SIGLEC15: variants seen among roughly 807,000 people sequenced by gnomAD.
SIGLEC15 encodes the protein sialic acid binding Ig like lectin 15, also known as sialic acid-binding Ig-like lectin 15.
In SIGLEC15, 31 loss-of-function variants were observed where a neutral mutation model predicts 26.2. The observed-to-expected ratio is 1.18, with a 90% CI of 0.89 to 1.60. SIGLEC15 has a LOEUF of 1.60. SIGLEC15 is among the 40% of genes most tolerant of loss of function. The pLI, the probability that SIGLEC15 is intolerant of heterozygous loss-of-function variation, is 0.00. For missense variants in SIGLEC15, 501 were observed against 488.4 expected, an observed-to-expected ratio of 1.03 and a Z score of -0.24; for synonymous variants, 207 against 221.9, an observed-to-expected ratio of 0.93 and a Z score of 0.60.
chr18:45,837,014 T>A lies in SIGLEC15; in HGVS notation c.53-15T>A. ...TATTCACGTGTAACCCGGGGTTAAC[T>A]GTGTTTATCTGTAGGCTCATTTGTG... On this transcript the variant is annotated splice_polypyrimidine_tract_variant and intron_variant, in intron 1 of 5. Coordinates refer to ENST00000389474, the MANE Select transcript of SIGLEC15 (RefSeq NM_213602.3). The A allele has an allele frequency of 7.8e-7, 1 of 1,274,076 alleles. No individual in the cohort carries two copies. The highest frequency in any genetic ancestry group is 1.1e-6 in the Non-Finnish European group (1 of 870,242). The allele number at this position is 1,274,076 out of a possible 1,614,324, so 78.9% of individuals were successfully genotyped here.
At chr18:45,832,737 C>G (rs1329069869) in intron 1 of SIGLEC15, among the ~76,000 whole-genome samples, 2 of 152,172 alleles carry the variant, frequency 1.3e-5, no homozygotes, top group Non-Finnish European at 2.9e-5. Flanking sequence ...ATCCTCCCTC[C>G]CCTGTCTTAG....
In SIGLEC15 at chr18:45,825,677, TGG is replaced by T; in HGVS notation, c.-49_-48del. The T allele has an allele frequency of 6.3e-7, 1 of 1,596,426 alleles. No individual in the cohort carries two copies. The highest frequency in any genetic ancestry group is 1.7e-5 in the Admixed American group (1 of 59,836). ...CCACCACGCCTGGGAGGGCCCTCAC[TGG>T]GGAGGTGGCCGAGAGCGGGTCTGGC... On this transcript the variant is annotated 5_prime_UTR_variant, in exon 1 of 6. Coordinates refer to ENST00000389474, the MANE Select transcript of SIGLEC15 (RefSeq NM_213602.3).
chr18:45,838,668 G>C (rs934987955), intron 3 of SIGLEC15, 50 bp from the exon 4 acceptor site: 1 of 1,493,716 alleles, frequency 6.7e-7, no homozygotes, highest in African/African-American at 1.4e-5. Flanking sequence ...CGTCCAAAGG[G>C]CTAAGGGGAG....
chr18:45,825,853 C>T (rs2048180960), intron 1 of SIGLEC15, 73 bp downstream of exon 1: 2 of 1,572,318 alleles, frequency 1.3e-6, no homozygotes, highest in African/African-American at 1.3e-5. Flanking sequence ...GGTACAGTCT[C>T]CCCTGGAAGG....
Position 45,837,636 on chromosome 18 carries a change from C to A in SIGLEC15, c.236C>A (p.Ala79Asp). 1 of 1,507,288 alleles carries A rather than the reference C, an allele frequency of 6.6e-7. No homozygotes were observed. The highest frequency in any genetic ancestry group is 1.2e-5 in the South Asian group (1 of 81,094). The allele number at this position is 1,507,288 out of a possible 1,614,324, so 93.4% of individuals were successfully genotyped here. The change falls in exon 3 of 6, where the codon GCC (alanine) becomes GAC (aspartate). Residue 79 changes from alanine (A) to aspartate (D), a missense_variant. Ala to Asp is a moderately radical substitution (Grantham distance 126). Transcript: ENST00000389474. ...CGCCACTACGACGGGCCGCTGACGGCCATCTGGCGCGCGGGCGAGCCCTAT... is the reference window on the plus strand; with the variant it reads ...CGCCACTACGACGGGCCGCTGACGGACATCTGGCGCGCGGGCGAGCCCTAT... ...PHRHYDGPLT[A>D]IWRAGEPYAG...
chr18:45,840,803 C>G (rs1425895468), intron 5 of SIGLEC15: 1 of 152,588 alleles, frequency 6.6e-6, no homozygotes, highest in African/African-American at 2.4e-5. Flanking sequence ...ACTCCCATAA[C>G]TCCACCCACC....
chr18:45,833,836 G>C (rs2145049186), intron 1 of SIGLEC15, among the ~76,000 whole-genome samples: 1 of 152,274 alleles, frequency 6.6e-6, no homozygotes, highest in Non-Finnish European at 1.5e-5. Context: ...AGATTCATTA[G>C]AGTGCTGTAG....
At chr18:45,837,195 G>C in intron 2 of SIGLEC15, 107 bp downstream of exon 2, 1 of 1,521,342 alleles carries the variant, frequency 6.6e-7, no homozygotes, top group Non-Finnish European at 8.8e-7. Flanking sequence ...GAAAAACTAA[G>C]GGTAAGAATA....
Position 45,837,736 on chromosome 18 carries a change from C to T in SIGLEC15, c.336C>T (p.Gly112=), listed in dbSNP as rs2145065938. The T allele has an allele frequency of 1.1e-5, 16 of 1,507,954 alleles. No homozygotes were observed. Among genetic ancestry groups the T allele is most frequent in the African/African-American group, 1.4e-5 (1 of 69,196 alleles). 93.4% of individuals were successfully genotyped at this position (1,507,954 alleles called of 1,614,324 possible). The part of the protein sequence containing the change: ...ELCQTALSLH[G]RFRLLGNPRR... ...GCCAGACGGCGCTGAGCCTGCACGGCCGCTTCCGGCTGCTGGGCAACCCGC... is the reference window on the plus strand; with the variant it reads ...GCCAGACGGCGCTGAGCCTGCACGGTCGCTTCCGGCTGCTGGGCAACCCGC... Residue 112 remains glycine, a synonymous_variant, in exon 3 of 6, where the codon GGC becomes GGT. Coordinates refer to ENST00000389474, the MANE Select transcript of SIGLEC15 (RefSeq NM_213602.3).
intron 1 of SIGLEC15, among the ~76,000 whole-genome samples, chr18:45,830,618 C>T (rs1440118556): frequency 8.5e-6 from 1 of 118,202 alleles, no homozygotes; most frequent in East Asian, 3.0e-4. Flanking sequence ...CGGAGTCTCG[C>T]TCTGTCACCC....
rs541938890 is a variant in SIGLEC15, at chr18:45,843,369, T to C, written c.*1182T>C. On this transcript the variant is annotated 3_prime_UTR_variant, in exon 6 of 6. Transcript: ENST00000389474. ...CTTAGGGAGAGGAGGGAGGCATGCC[T>C]GGGTCCCAGGTAAGCTGGCAAGAGG... The C allele has an allele frequency of 2.0e-3, 308 of 152,338 alleles. No individual in the cohort carries two copies. The highest frequency in any genetic ancestry group is 6.8e-3 in the Middle Eastern group (2 of 292). 9.4% of individuals were successfully genotyped at this position (152,338 alleles called of 1,614,324 possible). A position where few individuals can be genotyped will look rare whatever the true frequency, so the allele number is the denominator to read the frequency against.
intron 1 of SIGLEC15, among the ~76,000 whole-genome samples, chr18:45,836,528 C>T (rs917085069): frequency 3.9e-5 from 6 of 152,200 alleles, no homozygotes; most frequent in African/African-American, 1.4e-4. Context: ...ACCACACACA[C>T]CCTGCAGTTC....
At chr18:45,836,886 A>G in intron 1 of SIGLEC15, 143 bp from the exon 2 acceptor site, 1 of 582,156 alleles carries the variant, frequency 1.7e-6, no homozygotes, top group Non-Finnish European at 3.1e-6. Context: ...CCCAGCCTCT[A>G]GTGCACTAGA....
intron 1 of SIGLEC15, among the ~76,000 whole-genome samples, chr18:45,835,567 GGTCA>G (rs1467534834): frequency 6.6e-6 from 1 of 152,154 alleles, no homozygotes; most frequent in Non-Finnish European, 1.5e-5. Flanking sequence ...ATTTCGTAGA[GGTCA>G]GTCACTCTCC....
At chr18:45,826,605 C>A (rs954869066) in intron 1 of SIGLEC15, among the ~76,000 whole-genome samples, 1 of 152,170 alleles carries the variant, frequency 6.6e-6, no homozygotes, top group Non-Finnish European at 1.5e-5. Flanking sequence ...CCAGTCCTTA[C>A]CCCATCCCCA....
Position 45,835,078 on chromosome 18 carries a change from GA to G in SIGLEC15, c.53-1941del, listed in dbSNP as rs952062484. Among the ~76,000 whole-genome samples, 31 of 145,274 alleles carry G rather than the reference GA, an allele frequency of 2.1e-4. No homozygotes were observed. In the East Asian group the frequency reaches 3.4e-3, roughly 16 times the overall value. On this transcript the variant is annotated intron_variant, in intron 1 of 5. Coordinates refer to ENST00000389474, the MANE Select transcript of SIGLEC15 (RefSeq NM_213602.3). ...TCAAAAATGTAATTACATTTGTCCA[GA>G]AAAAAAAAAGGAGATTAGGCTTAAA...
At chr18:45,836,961 A>G (rs1257688640) in intron 1 of SIGLEC15, 68 bp from the exon 2 acceptor site, 5 of 849,712 alleles carry the variant, frequency 5.9e-6, no homozygotes, top group Non-Finnish European at 1.0e-5. Flanking sequence ...GTGTGACTTC[A>G]GTTACTCAAC....
chr18:45,837,470 G>T (rs1162452033), intron 2 of SIGLEC15, 43 bp from the exon 3 acceptor site: 1 of 1,431,712 alleles, frequency 7.0e-7, no homozygotes, highest in Non-Finnish European at 9.1e-7. Context: ...CGGGCGCCTC[G>T]ACCCCAGGGC....
Position 45,837,899 on chromosome 18 carries a change from G to A in SIGLEC15, c.496+3G>A. The A allele has an allele frequency of 6.7e-7, 1 of 1,501,768 alleles. No individual in the cohort carries two copies. The highest frequency in any genetic ancestry group is 8.8e-7 in the Non-Finnish European group (1 of 1,136,512). 93.0% of individuals were successfully genotyped at this position (1,501,768 alleles called of 1,614,324 possible). On this transcript the variant is annotated splice_donor_region_variant and intron_variant, in intron 3 of 5. Transcript: ENST00000389474. ...CGGCGTCCGGCTGCACGTGACAGGC[G>A]AGGCGGCGTGGGAGCGGGTCCCCGG...
Sources: allele counts gnomAD v4.1 joint callset (sites outside exome capture counted in the v4.1 genomes callset), GRCh38; gene constraint gnomAD v4.1.1; transcripts MANE v1.5; gene names NCBI Gene and HGNC (gene_info 2026-07-23, HGNC 2026-07-21).